IST1: variants seen among roughly 807,000 people sequenced by gnomAD.
IST1 encodes IST1 factor associated with ESCRT-III, also known as IST1 homolog.
IST1 carries 23 observed loss-of-function variants against 37.0 expected under a neutral mutation model. The observed-to-expected ratio is 0.62, with a 90% CI of 0.45 to 0.88. The LOEUF is 0.88. Among genes scored for constraint, IST1 ranks in the 40% least tolerant of loss-of-function variants. The pLI is 0.00. For missense variants in IST1, 488 were observed against 445.4 expected, an observed-to-expected ratio of 1.10 and a Z score of -0.86; for synonymous variants, 180 against 161.7, an observed-to-expected ratio of 1.11 and a Z score of -0.86.
At chr16:71,915,833 T>TTTTG in intron 2 of IST1, 105 bp downstream of exon 2, 2 of 652,282 alleles carry the variant, frequency 3.1e-6, no homozygotes, top group Non-Finnish European at 5.2e-6. Flanking sequence ...TCATATTTTT[T>TTTTG]TTTGTTGTTT....
chr16:71,903,107 T>C (rs1291893138), intron 1 of IST1: 5 of 152,196 alleles, frequency 3.3e-5, no homozygotes, highest in African/African-American at 9.7e-5. Context: ...GCCTTGCAAG[T>C]AGCTGGGACT....
intron 1 of IST1, among the ~76,000 whole-genome samples, chr16:71,901,135 C>A (rs2037098228): frequency 6.6e-6 from 1 of 152,098 alleles, no homozygotes; most frequent in Non-Finnish European, 1.5e-5. Context: ...CCTAATCATA[C>A]AGGATAACAA....
chr16:71,895,325 C>A (rs865992436), upstream of IST1: 113 of 157,280 alleles, frequency 7.2e-4, 1 homozygote, highest in African/African-American at 2.5e-3. Flanking sequence ...CGTGGCGCTT[C>A]CCCCAACGTC....
chr16:71,896,514 C>A (rs1402800023), intron 1 of IST1, among the ~76,000 whole-genome samples: 1 of 151,878 alleles, frequency 6.6e-6, no homozygotes, highest in African/African-American at 2.4e-5. Flanking sequence ...TTATCTATAC[C>A]CTTCCTATGT....
intron 1 of IST1, among the ~76,000 whole-genome samples, chr16:71,906,691 T>G (rs1231891913): frequency 6.6e-6 from 1 of 152,124 alleles, no homozygotes; most frequent in Non-Finnish European, 1.5e-5. Flanking sequence ...ATGACTTTAT[T>G]TTTGAGGGAT....
chr16:71,915,784 T>G (rs1409450102), intron 2 of IST1, 56 bp downstream of exon 2: 2 of 1,073,506 alleles, frequency 1.9e-6, no homozygotes, highest in African/African-American at 1.6e-5. Context: ...AGCACCCCAG[T>G]AATGGGTCTT....
rs1473482518 is a variant in IST1, at chr16:71,929,083, C to A, written c.*1270C>A. On this transcript the variant is annotated 3_prime_UTR_variant, in exon 10 of 10. Transcript: ENST00000378799. ...GTGGAGAATATTTTAACCAAGTGAT[C>A]CATGTAAACCAGCCCTTAGTTTCAG... 1 of 153,072 alleles carries A rather than the reference C, an allele frequency of 6.5e-6. No individual in the cohort carries two copies. Among genetic ancestry groups the A allele is most frequent in the Non-Finnish European group, 1.5e-5 (1 of 68,630 alleles). 9.5% of individuals were successfully genotyped at this position (153,072 alleles called of 1,614,324 possible). A position where few individuals can be genotyped will look rare whatever the true frequency, so the allele number is the denominator to read the frequency against.
At chr16:71,912,460 A>AT (rs2037378714) in intron 1 of IST1, among the ~76,000 whole-genome samples, 1 of 151,978 alleles carries the variant, frequency 6.6e-6, no homozygotes, top group Non-Finnish European at 1.5e-5. Flanking sequence ...GATGGTCTCG[A>AT]TCTCCTGACT....
At chr16:71,924,160 C>T (rs917915354) in intron 8 of IST1, 1 of 455,960 alleles carries the variant, frequency 2.2e-6, no homozygotes, top group Non-Finnish European at 4.4e-6. Context: ...TAACCCACAG[C>T]CGTTGGTAGG....
At chr16:71,895,439 G>A (rs1472192204), upstream of IST1, 1 of 845,350 alleles carries the variant, frequency 1.2e-6, no homozygotes. Context: ...AGCGGCGATC[G>A]CGCAGCCAAT....
At chr16:71,912,295 T>G (rs1454727168) in intron 1 of IST1, among the ~76,000 whole-genome samples, 2 of 152,192 alleles carry the variant, frequency 1.3e-5, no homozygotes, top group Non-Finnish European at 2.9e-5. Flanking sequence ...TGGAGTGCGG[T>G]GGCGCGGTCT....
At chr16:71,920,654 C>A in intron 4 of IST1, 85 bp from the exon 5 acceptor site, 1 of 876,932 alleles carries the variant, frequency 1.1e-6, no homozygotes, top group Non-Finnish European at 1.9e-6. Flanking sequence ...TTGTAATAGA[C>A]GCGTGTTTAC....
intron 1 of IST1, among the ~76,000 whole-genome samples, chr16:71,906,294 C>T (rs915068679): frequency 1.1e-4 from 16 of 151,420 alleles, no homozygotes; most frequent in African/African-American, 3.4e-4. Flanking sequence ...CGAGCCACTG[C>T]GCCCGGCCTT....
rs973402603 is a variant in IST1 at position 71,927,881 on chromosome 16, A to C, written c.*68A>C. On this transcript the variant is annotated 3_prime_UTR_variant, in exon 10 of 10. Coordinates refer to ENST00000378799, the MANE Select transcript of IST1 (RefSeq NM_001270975.2). ...TGAGCAATTTCTCCTTGTAACAAAGAATCTCCATGAAATTCTGTTTCATCT... is the reference window on the plus strand; with the variant it reads ...TGAGCAATTTCTCCTTGTAACAAAGCATCTCCATGAAATTCTGTTTCATCT... 98 of 1,094,916 alleles carry C rather than the reference A, an allele frequency of 9.0e-5. No homozygotes were observed. Among genetic ancestry groups the C allele is most frequent in the Non-Finnish European group, 9.0e-5 (65 of 723,072 alleles). The allele number at this position is 1,094,916 out of a possible 1,614,324, so 67.8% of individuals were successfully genotyped here. A position where few individuals can be genotyped will look rare whatever the true frequency, so the allele number is the denominator to read the frequency against.
chr16:71,894,550 T>C (rs975100703), upstream of IST1: 4 of 292,186 alleles, frequency 1.4e-5, no homozygotes, highest in Non-Finnish European at 1.9e-5. Context: ...CCGGCCCTTT[T>C]TCTTTTTTTC....
intron 1 of IST1, among the ~76,000 whole-genome samples, chr16:71,909,441 C>T (rs142263880): frequency 3.9e-5 from 6 of 152,270 alleles, no homozygotes; most frequent in Non-Finnish European, 5.9e-5. Context: ...TAGCATTCTT[C>T]TACTTCCTTA....
chr16:71,918,725 C>G (rs906290609), intron 4 of IST1, among the ~76,000 whole-genome samples: 3 of 152,172 alleles, frequency 2.0e-5, no homozygotes, highest in Non-Finnish European at 2.9e-5. Flanking sequence ...CGTTTTTGGT[C>G]TCTTCTGTAC....
At chr16:71,921,003 T>A in intron 5 of IST1, 181 bp downstream of exon 5, 1 of 649,382 alleles carries the variant, frequency 1.5e-6, no homozygotes, top group South Asian at 1.7e-5. Context: ...GCCCAATTCC[T>A]CTGGTTACTG....
rs1305892296 is a variant in IST1, at chr16:71,926,348, T to TG, written c.902-1266_902-1265insG. Reference sequence around the variant, plus strand: ...ACAATTTACATTTTAAAAAAACTCATAGTTTTTTTTTTTTTTAGGCAGTCT... The same window carrying TG: ...ACAATTTACATTTTAAAAAAACTCATGAGTTTTTTTTTTTTTTAGGCAGTCT... On this transcript the variant is annotated intron_variant, in intron 9 of 9. Coordinates refer to ENST00000378799, the MANE Select transcript of IST1 (RefSeq NM_001270975.2). 6.5e-4 allele frequency among the ~76,000 whole-genome samples: 99 copies of TG among 151,548 alleles called. No homozygotes were observed. The South Asian group carries it at 6.9e-3, about 11-fold the overall frequency.
Sources: gnomAD v4.1 joint callset for allele counts (sites outside exome capture counted in the v4.1 genomes callset) on GRCh38, gnomAD v4.1.1 for gene constraint, MANE v1.5 for transcripts, NCBI Gene and HGNC (gene_info 2026-07-23, HGNC 2026-07-21) for gene names.